The following PCDHGA8 variants were observed in gnomAD, a reference collection of about 807,000 sequenced individuals.
PCDHGA8 encodes protocadherin gamma-A8.
A neutral mutation model predicts 59.2 loss-of-function variants in PCDHGA8; 45 were observed. That is an observed-to-expected ratio of 0.76 (90% CI 0.60 to 0.98). The LOEUF (loss-of-function observed/expected upper bound fraction) is 0.98, where lower values mean the gene tolerates loss of function less well. Among genes scored for constraint, PCDHGA8 ranks in the 50% least tolerant of loss-of-function variants. The pLI, the probability that PCDHGA8 is intolerant of heterozygous loss-of-function variation, is 0.00. For missense variants in PCDHGA8, 1,257 were observed against 1,196.2 expected, an observed-to-expected ratio of 1.05 and a Z score of -0.75; for synonymous variants, 531 against 519.0, an observed-to-expected ratio of 1.02 and a Z score of -0.32.
At position 141,486,002 on chromosome 5, in the gene PCDHGA8, G is replaced by A. The variant is rs372373315; in HGVS notation, c.2425-8805G>A. ...CCCGGACCTGGGTCCCAGTGGTAAC[G>A]TCACCTTTTATTTCAGTGGTCATAC... On this transcript the variant is annotated intron_variant, in intron 1 of 3. Coordinates refer to ENST00000398604, the MANE Select transcript of PCDHGA8 (RefSeq NM_032088.2). The surrounding 1 kb of genome is among the most constrained non-coding windows in gnomAD (Gnocchi z 5.0). 2.0e-5 allele frequency: 33 copies of A among 1,614,030 alleles called. No homozygotes were observed. The highest frequency in any genetic ancestry group is 2.8e-5 in the Non-Finnish European group (33 of 1,180,014).
At chr5:141,430,425 A>G (rs1298131518) in intron 1 of PCDHGA8, among the ~76,000 whole-genome samples, 3 of 152,076 alleles carry the variant, frequency 2.0e-5, no homozygotes, top group Non-Finnish European at 4.4e-5. Context: ...TAAAGCGAAT[A>G]CGGTAGATTT....
intron 1 of PCDHGA8, among the ~76,000 whole-genome samples, chr5:141,474,266 G>A (rs1420620306): frequency 6.6e-6 from 1 of 152,186 alleles, no homozygotes; most frequent in Non-Finnish European, 1.5e-5. Context: ...ATAAACCAGT[G>A]TATCTCTGAA....
chr5:141,445,252 A>G (rs2098461096), intron 1 of PCDHGA8, among the ~76,000 whole-genome samples: 1 of 152,224 alleles, frequency 6.6e-6, no homozygotes, highest in Non-Finnish European at 1.5e-5. Context: ...ATATTGTGTG[A>G]GAATATAAGT....
intron 1 of PCDHGA8, chr5:141,414,525 T>C (rs1413988459): frequency 1.2e-6 from 2 of 1,613,972 alleles, no homozygotes; most frequent in South Asian, 1.1e-5. Flanking sequence ...CAGATATCAA[T>C]GACAACCCAC....
Position 141,476,017 on chromosome 5 carries a change from G to C in PCDHGA8, c.2425-18790G>C. The C allele has an allele frequency of 1.5e-6, 2 of 1,369,942 alleles. No individual in the cohort carries two copies. The highest frequency in any genetic ancestry group is 2.0e-6 in the Non-Finnish European group (2 of 1,015,658). The allele number at this position is 1,369,942 out of a possible 1,614,324, so 84.9% of individuals were successfully genotyped here. A position where few individuals can be genotyped will look rare whatever the true frequency, so the allele number is the denominator to read the frequency against. On this transcript the variant is annotated intron_variant, in intron 1 of 3. Coordinates refer to ENST00000398604, the MANE Select transcript of PCDHGA8 (RefSeq NM_032088.2). This position sits in a 1 kb window ranked among gnomAD's most constrained non-coding sequence, Gnocchi z 7.6. ...CAACGGCATCCAGAAAGCCATGTCG[G>C]ACTCGGCGCCCAGCGCCCAAGCGCT...
At chr5:141,444,138 C>CTTGTGTG (rs2098418688) in intron 1 of PCDHGA8, among the ~76,000 whole-genome samples, 1 of 122,946 alleles carries the variant, frequency 8.1e-6, no homozygotes, top group South Asian at 2.7e-4. Flanking sequence ...ATATGTGTCA[C>CTTGTGTG]TTGTGTGTAC....
At chr5:141,492,461 G>A (rs1218833302) in intron 1 of PCDHGA8, among the ~76,000 whole-genome samples, 1 of 152,212 alleles carries the variant, frequency 6.6e-6, no homozygotes, top group East Asian at 1.9e-4. Flanking sequence ...CGCGCCTGAG[G>A]GTCCCAGATC....
intron 2 of PCDHGA8, among the ~76,000 whole-genome samples, chr5:141,498,397 G>A (rs1019408022): frequency 1.3e-5 from 2 of 152,136 alleles, no homozygotes; most frequent in African/African-American, 4.8e-5. Flanking sequence ...GAATGGCAGG[G>A]AGTTTTCTCT....
At position 141,486,543 on chromosome 5, in the gene PCDHGA8, A is replaced by G; in HGVS notation, c.2425-8264A>G. Reference sequence around the variant, plus strand: ...AATGATAATCCACCCTCTTTCTTTCAGAGGTCACATGAGGTGTTTGTTCCT... The same window carrying G: ...AATGATAATCCACCCTCTTTCTTTCGGAGGTCACATGAGGTGTTTGTTCCT... On this transcript the variant is annotated intron_variant, in intron 1 of 3. Transcript: ENST00000398604. This position sits in a 1 kb window ranked among gnomAD's most constrained non-coding sequence, Gnocchi z 5.0. 6.2e-7 allele frequency: 1 copy of G among 1,614,080 alleles called. No individual in the cohort carries two copies. Among genetic ancestry groups the G allele is most frequent in the Non-Finnish European group, 8.5e-7 (1 of 1,180,020 alleles).
chr5:141,422,842 G>A (rs756990417), intron 1 of PCDHGA8: 5 of 1,614,228 alleles, frequency 3.1e-6, no homozygotes, highest in South Asian at 1.1e-5. Flanking sequence ...ACGTGACAGC[G>A]GGGACCCGCC....
At chr5:141,472,729 T>G (rs2099294506) in intron 1 of PCDHGA8, among the ~76,000 whole-genome samples, 1 of 152,004 alleles carries the variant, frequency 6.6e-6, no homozygotes. Context: ...CTCACACCTG[T>G]AATCCCAGCA....
At chr5:141,408,816 A>T in intron 1 of PCDHGA8, 1 of 1,613,562 alleles carries the variant, frequency 6.2e-7, no homozygotes, top group East Asian at 2.2e-5. Flanking sequence ...CGGGAAGAAC[A>T]GAGATCTCAT....
chr5:141,419,243 C>T (rs959206942), intron 1 of PCDHGA8: 2 of 1,613,998 alleles, frequency 1.2e-6, no homozygotes, highest in East Asian at 4.5e-5. Flanking sequence ...GGTCCACGTG[C>T]CAGAAAACAA....
chr5:141,454,893 C>T (rs1414320972), intron 1 of PCDHGA8, among the ~76,000 whole-genome samples: 7 of 146,892 alleles, frequency 4.8e-5, no homozygotes, highest in Admixed American at 1.4e-4. Flanking sequence ...CTGCTAGCAC[C>T]GCCTCCCGGG....
intron 1 of PCDHGA8, chr5:141,423,700 G>A (rs753612385): frequency 7.5e-7 from 1 of 1,324,816 alleles, no homozygotes; most frequent in Non-Finnish European, 9.8e-7. Context: ...TTGGTGTCTT[G>A]GCACAAGTCT....
chr5:141,402,714 T>G (rs1024254405), intron 1 of PCDHGA8, among the ~76,000 whole-genome samples: 2 of 152,220 alleles, frequency 1.3e-5, no homozygotes, highest in African/African-American at 4.8e-5. Flanking sequence ...TAGTAACGGC[T>G]TAGGACTCTG....
In PCDHGA8 at chr5:141,486,661, G is replaced by T. The variant is rs373446844; in HGVS notation, c.2425-8146G>T. ...CGCTTATCTCCTACTCACTCCTGGA[G>T]CCCAGGAATCGAGATGTATCAGCTT... is the stretch of plus-strand genomic sequence containing the variant. On this transcript the variant is annotated intron_variant, in intron 1 of 3. Transcript: ENST00000398604. The surrounding 1 kb of genome is among the most constrained non-coding windows in gnomAD (Gnocchi z 5.0). 6.2e-6 allele frequency: 10 copies of T among 1,613,836 alleles called. No individual in the cohort carries two copies. Among genetic ancestry groups the T allele is most frequent in the African/African-American group, 4.0e-5 (3 of 74,918 alleles).
Position 141,477,689 on chromosome 5 carries a change from C to T in PCDHGA8, c.2425-17118C>T. The T allele has an allele frequency of 6.2e-7, 1 of 1,614,156 alleles. No individual in the cohort carries two copies. The highest frequency in any genetic ancestry group is 8.5e-7 in the Non-Finnish European group (1 of 1,180,024). ...TGGCATAGTGTCATCCTTAGTGCCC[C>T]TAGACTATGAGGATCGGCGGGAATT... On this transcript the variant is annotated intron_variant, in intron 1 of 3. Transcript: ENST00000398604. This position sits in a 1 kb window ranked among gnomAD's most constrained non-coding sequence, Gnocchi z 4.9.
intron 1 of PCDHGA8, chr5:141,404,933 A>C (rs2094586796): frequency 6.2e-7 from 1 of 1,613,764 alleles, no homozygotes; most frequent in Non-Finnish European, 8.5e-7. Flanking sequence ...TGTCACGCTC[A>C]CAGTAGCCAT....
Sources: allele counts gnomAD v4.1 joint callset (sites outside exome capture counted in the v4.1 genomes callset), GRCh38; gene constraint gnomAD v4.1.1; non-coding constraint Gnocchi (gnomAD v3.1); transcripts MANE v1.5; gene names NCBI Gene and HGNC (gene_info 2026-07-23, HGNC 2026-07-21).